Variants in PTK2 observed in about 807,000 individuals in gnomAD.
The protein encoded by PTK2 is focal adhesion kinase 1.
In PTK2, 45 loss-of-function variants were observed where a neutral mutation model predicts 150.1. The observed-to-expected ratio is 0.30, with a 90% confidence interval of 0.24 to 0.38. The LOEUF is 0.38. Among genes scored for constraint, PTK2 ranks in the 10% least tolerant of loss-of-function variants. The pLI is 1.00. For synonymous variants in PTK2, 432 were observed against 449.2 expected (o/e 0.96, Z 0.48); for missense variants, 919 against 1,307.3 (o/e 0.70, Z 4.58).
At position 140,752,271 on chromosome 8, in the gene PTK2, TAC is replaced by T; in HGVS notation, c.1376_1377del (p.Cys459TyrfsTer20). 1 of 1,614,164 alleles carries T rather than the reference TAC, an allele frequency of 6.2e-7. No individual in the cohort carries two copies. The highest frequency in any genetic ancestry group is 8.5e-7 in the Non-Finnish European group (1 of 1,180,000). The stretch of plus-strand genomic sequence containing the variant: ...AATTTCTCTCTCACGCTGTCCGAAG[TAC>T]AGTTTTTACATGTTTTAATTGCAAC... On this transcript the variant is annotated frameshift_variant, in exon 17 of 32. Transcript: ENST00000522684. LOFTEE classifies it high-confidence loss of function.
chr8:140,853,093 G>C (rs2100130331), intron 5 of PTK2, among the ~76,000 whole-genome samples: 2 of 151,966 alleles, frequency 1.3e-5, no homozygotes, highest in African/African-American at 4.8e-5. Flanking sequence ...AGTCACGTAG[G>C]CGTTGTATGC....
chr8:140,743,732 T>C (rs2100057059), intron 19 of PTK2, among the ~76,000 whole-genome samples: 2 of 151,942 alleles, frequency 1.3e-5, no homozygotes, highest in South Asian at 4.1e-4. Flanking sequence ...AACTTGTAAA[T>C]GATTTTGCTG....
chr8:140,842,241 G>A (rs942005246), intron 7 of PTK2, among the ~76,000 whole-genome samples: 1 of 151,956 alleles, frequency 6.6e-6, no homozygotes, highest in Admixed American at 6.6e-5. Flanking sequence ...TAACTAGAAT[G>A]TATTATTACC....
chr8:141,001,737 C>T (rs1409640172), upstream of PTK2, among the ~76,000 whole-genome samples: 3 of 152,220 alleles, frequency 2.0e-5, no homozygotes, highest in Non-Finnish European at 4.4e-5. Context: ...TGGACGCCCG[C>T]TGTCGGGCAC....
intron 22 of PTK2, among the ~76,000 whole-genome samples, chr8:140,722,483 G>C (rs1014085970): frequency 2.6e-5 from 4 of 152,070 alleles, no homozygotes; most frequent in African/African-American, 9.7e-5. Context: ...ACCCAGGCTG[G>C]TCTTGAACTC....
chr8:140,670,845 A>C (rs1779377192), intron 29 of PTK2, among the ~76,000 whole-genome samples: 3 of 152,190 alleles, frequency 2.0e-5, no homozygotes, highest in African/African-American at 4.8e-5. Flanking sequence ...ATCAAGAAGA[A>C]ATAGACAATT....
chr8:140,672,074 T>A, intron 29 of PTK2: 1 of 418,392 alleles, frequency 2.4e-6, no homozygotes, highest in East Asian at 7.4e-5. Context: ...CATAATGATG[T>A]CAGAATTCTA....
chr8:140,965,675 G>A (rs181028925), intron 1 of PTK2, among the ~76,000 whole-genome samples: 81 of 152,264 alleles, frequency 5.3e-4, no homozygotes, highest in African/African-American at 1.8e-3. Flanking sequence ...TCAGGAGTTC[G>A]AGACCAGCCT....
At chr8:140,862,229 G>A (rs916996466) in intron 5 of PTK2, among the ~76,000 whole-genome samples, 2 of 151,968 alleles carry the variant, frequency 1.3e-5, no homozygotes, top group East Asian at 1.9e-4. Flanking sequence ...GTATTTCCTC[G>A]GTGGGTAGAA....
chr8:140,953,384 C>T (rs1052142716), intron 1 of PTK2, among the ~76,000 whole-genome samples: 14 of 152,086 alleles, frequency 9.2e-5, no homozygotes, highest in Admixed American at 9.2e-4. Flanking sequence ...CGTTTGGGGG[C>T]CATGATGAAA....
Position 140,808,733 on chromosome 8 carries a change from GTTTTTT to G in PTK2, c.868-5089_868-5084del, listed in dbSNP as rs57600032. Among the ~76,000 whole-genome samples the G allele has an allele frequency of 1.9e-3, 222 of 116,574 alleles. 1 individual carries two copies. In the South Asian group the frequency reaches 0.032, roughly 17 times the overall value. The allele number at this position is 116,574 out of a possible 152,430, so 76.5% of individuals were successfully genotyped here. ...AAATAAAAATAAAATTTTTGTTCTT[GTTTTTT>G]TTTTTTTTTTTTTTGAGATGGAGTC... On this transcript the variant is annotated intron_variant, in intron 10 of 31. Coordinates refer to ENST00000522684, the Ensembl canonical transcript of PTK2.
chr8:140,800,509 C>G lies in PTK2; in HGVS notation c.1043G>C (p.Cys348Ser), dbSNP rs2100094383. ...CTGCGAGGTTCCATTCACCAGCCGG[C>G]AGTACCCATCTATTAGGTCAGCCAT... The change falls in exon 12 of 32, where the codon TGC becomes TCC. Residue 348 changes from cysteine (C) to serine (S), a missense_variant. Around this residue, in one of 3 missense-constraint regions of PTK2, gnomAD observed 555 missense variants for 880.1 expected, o/e 0.63. Transcript: ENST00000522684. The G allele has an allele frequency of 1.2e-6, 2 of 1,613,776 alleles. No individual in the cohort carries two copies. Among genetic ancestry groups the G allele is most frequent in the Non-Finnish European group, 1.7e-6 (2 of 1,179,844 alleles).
intron 23 of PTK2, among the ~76,000 whole-genome samples, chr8:140,715,724 G>A (rs996616218): frequency 6.6e-6 from 1 of 151,904 alleles, no homozygotes; most frequent in Non-Finnish European, 1.5e-5. Flanking sequence ...CCTTTGTGTA[G>A]AGTGCAGCAA....
intron 1 of PTK2, among the ~76,000 whole-genome samples, chr8:140,957,104 T>A (rs1361409501): frequency 1.3e-5 from 2 of 151,924 alleles, no homozygotes; most frequent in African/African-American, 2.4e-5. Flanking sequence ...ATTAAAATTT[T>A]AAAAAAATAC....
At chr8:140,853,191 C>T (rs2100130412) in intron 5 of PTK2, among the ~76,000 whole-genome samples, 1 of 117,406 alleles carries the variant, frequency 8.5e-6, no homozygotes, top group Admixed American at 8.0e-5. Context: ...TGATGTCACA[C>T]TCTTTTTTTT....
At chr8:140,762,232 T>C (rs938766029) in intron 15 of PTK2, 136 bp downstream of exon 18, 8 of 303,964 alleles carry the variant, frequency 2.6e-5, no homozygotes, top group African/African-American at 1.8e-4. Flanking sequence ...TAGCTAGTAG[T>C]TCCATTGATT....
chr8:140,981,257 A>C (rs538993833), intron 1 of PTK2, among the ~76,000 whole-genome samples: 3 of 152,150 alleles, frequency 2.0e-5, no homozygotes, highest in African/African-American at 2.4e-5. Context: ...AGTAAAATAC[A>C]AACAGTAACA....
Position 140,914,941 on chromosome 8 carries a change from G to A in PTK2, c.-33+10720C>T, listed in dbSNP as rs1167506851. ...CCAGCTACTCGGGAGGCTGAGGCAG[G>A]AGAATCGCTTGAACCCGGGAGGCAG... is the stretch of plus-strand genomic sequence containing the variant. On this transcript the variant is annotated intron_variant, in intron 2 of 31. Coordinates refer to ENST00000522684, the Ensembl canonical transcript of PTK2. Among the ~76,000 whole-genome samples, 3 of 148,316 alleles carry A rather than the reference G, an allele frequency of 2.0e-5. No homozygotes were observed. The East Asian group carries it at 6.0e-4, about 30-fold the overall frequency.
chr8:140,745,399 T>C (rs1366818942), intron 18 of PTK2, among the ~76,000 whole-genome samples: 3 of 152,148 alleles, frequency 2.0e-5, no homozygotes, highest in East Asian at 1.9e-4. Flanking sequence ...TTCTAAATAA[T>C]TGATGAGAGA....
Sources: allele counts gnomAD v4.1 joint callset (sites outside exome capture counted in the v4.1 genomes callset), GRCh38; gene constraint gnomAD v4.1.1; regional missense constraint gnomAD v4.1.1; transcripts MANE v1.5; gene names NCBI Gene and HGNC (gene_info 2026-07-23, HGNC 2026-07-21).